WDFY3: variants seen among roughly 807,000 people sequenced by gnomAD.
The protein encoded by WDFY3 is WD repeat and FYVE domain containing 3.
A neutral mutation model predicts 409.6 loss-of-function variants in WDFY3; 66 were observed. The observed-to-expected ratio is 0.16, with a 90% CI of 0.13 to 0.20. The LOEUF is 0.20. Among genes scored for constraint, WDFY3 ranks in the 10% least tolerant of loss-of-function variants. The pLI is 1.00. For missense variants in WDFY3, 3,031 were observed against 4,298.1 expected (o/e 0.71, Z 8.24); for synonymous variants, 1,521 against 1,537.1 (o/e 0.99, Z 0.25).
rs1210922621 is a variant in WDFY3 at position 84,679,090 on chromosome 4, T to G, written c.9976A>C (p.Ser3326Arg). 6.2e-7 allele frequency: 1 copy of G among 1,614,066 alleles called. No individual in the cohort carries two copies. The highest frequency in any genetic ancestry group is 1.3e-5 in the African/African-American group (1 of 74,932). ...CRATAAWCTD[S>R]GSDDSRRWSD... ...CAGCGTCTGGAGTCGTCAGAGCCAC[T>G]GTCAGTACACCAGGCGGCTGTTGCG... The change falls in exon 65 of 68, where the codon AGT becomes CGT. Residue 3326 changes from serine to arginine, a missense_variant. Coordinates refer to ENST00000295888, the MANE Select transcript of WDFY3 (RefSeq NM_014991.6).
chr4:84,756,864 T>C, intron 33 of WDFY3, 62 bp downstream of exon 33: 1 of 1,489,250 alleles, frequency 6.7e-7, no homozygotes, highest in Middle Eastern at 2.3e-4. Flanking sequence ...TGATTATCCA[T>C]TATCCTACGG....
chr4:84,774,817 T>G lies in WDFY3; in HGVS notation c.4754+3A>C. On this transcript the variant is annotated splice_donor_region_variant and intron_variant, in intron 29 of 67. Transcript: ENST00000295888. The stretch of plus-strand genomic sequence containing the variant: ...AAGACAAAGACAAAGAAGTTTTTCC[T>G]ACCTGAGCAGATCATTGCTGCTAGG... 6.3e-7 allele frequency: 1 copy of G among 1,599,398 alleles called. No homozygotes were observed. The highest frequency in any genetic ancestry group is 8.5e-7 in the Non-Finnish European group (1 of 1,176,018).
In WDFY3 at chr4:84,736,167, T is replaced by C. The variant is rs754271203; in HGVS notation, c.6915+3A>G. On this transcript the variant is annotated splice_donor_region_variant and intron_variant, in intron 42 of 67. Coordinates refer to ENST00000295888, the MANE Select transcript of WDFY3 (RefSeq NM_014991.6). ...AATATCAGCAATGAAACTAAAAAAG[T>C]ACCTGGGTGGAAAGACTGTGTTTAT... 1 of 1,606,052 alleles carries C rather than the reference T, an allele frequency of 6.2e-7. No individual in the cohort carries two copies. The highest frequency in any genetic ancestry group is 1.3e-5 in the African/African-American group (1 of 74,486).
chr4:84,699,345 C>T (rs1249597533), intron 56 of WDFY3, among the ~76,000 whole-genome samples: 6 of 152,116 alleles, frequency 3.9e-5, no homozygotes, highest in African/African-American at 7.2e-5. Flanking sequence ...TTTCACTTTG[C>T]GTAATGTTTT....
At chr4:84,868,026 G>A (rs185646316) in intron 3 of WDFY3, among the ~76,000 whole-genome samples, 38 of 151,632 alleles carry the variant, frequency 2.5e-4, no homozygotes, top group African/African-American at 6.5e-4. Context: ...AAAATTAGCC[G>A]GGGATGGTGT....
At chr4:84,795,063 C>T (rs1015318074) in intron 19 of WDFY3, 84 bp from the exon 20 acceptor site, 1 of 937,264 alleles carries the variant, frequency 1.1e-6, no homozygotes, top group African/African-American at 1.7e-5. Flanking sequence ...GAAATAACTG[C>T]CAGTATTTAA....
At chr4:84,776,402 T>C (rs1209360517) in intron 27 of WDFY3, among the ~76,000 whole-genome samples, 1 of 152,040 alleles carries the variant, frequency 6.6e-6, no homozygotes, top group Non-Finnish European at 1.5e-5. Context: ...TAAGAAGCCA[T>C]AAAGTGAGCA....
intron 36 of WDFY3, among the ~76,000 whole-genome samples, chr4:84,746,056 C>A (rs576911137): frequency 6.6e-6 from 1 of 150,976 alleles, no homozygotes; most frequent in African/African-American, 2.4e-5. Flanking sequence ...GCCTATAATC[C>A]CAGTATTTTG....
chr4:84,868,036 T>C (rs917716459), intron 3 of WDFY3, among the ~76,000 whole-genome samples: 2 of 151,336 alleles, frequency 1.3e-5, no homozygotes, highest in African/African-American at 4.9e-5. Context: ...GGGGATGGTG[T>C]CATGCGCCTG....
chr4:84,816,596 T>C (rs890181279), intron 13 of WDFY3, among the ~76,000 whole-genome samples: 2 of 152,148 alleles, frequency 1.3e-5, no homozygotes, highest in African/African-American at 4.8e-5. Flanking sequence ...TTTTAAAATA[T>C]ATCATTTAAT....
At chr4:84,916,535 T>C (rs1026978453) in intron 2 of WDFY3, among the ~76,000 whole-genome samples, 3 of 152,210 alleles carry the variant, frequency 2.0e-5, no homozygotes, top group Non-Finnish European at 2.9e-5. Context: ...CTGATCAGTT[T>C]GTACTCAGGC....
At chr4:84,802,212 G>A (rs1255049524) in intron 16 of WDFY3, among the ~76,000 whole-genome samples, 2 of 150,482 alleles carry the variant, frequency 1.3e-5, no homozygotes, top group Admixed American at 6.6e-5. Context: ...CCTCCCAAGT[G>A]TTAGGATTAC....
chr4:84,874,487 CTAAGAA>C (rs1762518753), intron 3 of WDFY3, among the ~76,000 whole-genome samples: 1 of 152,076 alleles, frequency 6.6e-6, no homozygotes, highest in Non-Finnish European at 1.5e-5. Context: ...TCCCTATTGT[CTAAGAA>C]TAAATTAAAA....
At position 84,713,156 on chromosome 4, in the gene WDFY3, T is replaced by C; in HGVS notation, c.8042+3A>G. ...TGTAACATGCAAGGAACAAACCACC[T>C]ACCCCTGCTCCACACTCGTGTTTGG... On this transcript the variant is annotated splice_donor_region_variant and intron_variant, in intron 51 of 67. Coordinates refer to ENST00000295888, the MANE Select transcript of WDFY3 (RefSeq NM_014991.6). The C allele has an allele frequency of 6.2e-7, 1 of 1,613,968 alleles. No homozygotes were observed. The highest frequency in any genetic ancestry group is 8.5e-7 in the Non-Finnish European group (1 of 1,179,850).
chr4:84,696,009 T>G lies in WDFY3; in HGVS notation c.8862A>C (p.Thr2954=). Residue 2954 remains threonine, a synonymous_variant, in exon 58 of 68, where the codon ACA becomes ACC. Transcript: ENST00000295888. ...NINDPLKETA[T]IGFINNFGQI... ...GACCGAAGTTATTAATGAACCCAAT[T>G]GTGGCTGTCTCCTTTAGTGGGTCAT... 1 of 1,614,174 alleles carries G rather than the reference T, an allele frequency of 6.2e-7. No homozygotes were observed. The highest frequency in any genetic ancestry group is 8.5e-7 in the Non-Finnish European group (1 of 1,180,018).
At chr4:84,736,100 T>G in intron 42 of WDFY3, 70 bp downstream of exon 42, 1 of 1,451,028 alleles carries the variant, frequency 6.9e-7, no homozygotes, top group Non-Finnish European at 9.2e-7. Flanking sequence ...TTCCAATCAA[T>G]TGCTTGTACA....
At chr4:84,734,601 C>T (rs1336762121) in intron 43 of WDFY3, among the ~76,000 whole-genome samples, 1 of 152,104 alleles carries the variant, frequency 6.6e-6, no homozygotes, top group Non-Finnish European at 1.5e-5. Context: ...GACATAATCA[C>T]CAAGCACTTG....
chr4:84,777,776 T>C (rs1745797518), intron 27 of WDFY3, among the ~76,000 whole-genome samples: 1 of 152,088 alleles, frequency 6.6e-6, no homozygotes, highest in Non-Finnish European at 1.5e-5. Context: ...ATAAACATGA[T>C]TTCCCCAATC....
At position 84,867,400 on chromosome 4, in the gene WDFY3, T is replaced by G. The variant is rs187146159; in HGVS notation, c.-31-6778A>C. On this transcript the variant is annotated intron_variant, in intron 3 of 67. Transcript: ENST00000295888. ...AAGAACAAACCACAGAAGAATGTTT[T>G]CGCTTAATTTTAATGTTAGTAAGCG... Among the ~76,000 whole-genome samples the G allele has an allele frequency of 5.8e-3, 876 of 152,318 alleles. 5 individuals are homozygous for G. The highest frequency in any genetic ancestry group is 8.4e-3 in the Admixed American group (129 of 15,298).
Sources: allele counts gnomAD v4.1 joint callset (sites outside exome capture counted in the v4.1 genomes callset), GRCh38; gene constraint gnomAD v4.1.1; transcripts MANE v1.5; gene names NCBI Gene and HGNC (gene_info 2026-07-23, HGNC 2026-07-21).